The following CHST15 variants were observed in gnomAD, a reference collection of about 807,000 sequenced individuals.
The protein encoded by CHST15 is B cell RAG associated protein (GALNAC4S-6ST).
Under a neutral mutation model 53.6 loss-of-function variants are expected in CHST15, and 30 were observed. The ratio of observed to expected loss-of-function variants is 0.56; its 90% CI spans 0.42 to 0.76. The LOEUF (loss-of-function observed/expected upper bound fraction) is 0.76. CHST15 is among the 30% of genes least tolerant of loss of function. The pLI, the probability that CHST15 is intolerant of heterozygous loss-of-function variation, is 0.00. For missense variants in CHST15, 627 were observed against 740.5 expected (o/e 0.85, Z 1.78); for synonymous variants, 296 against 289.8 (o/e 1.02, Z -0.22).
At position 124,036,322 on chromosome 10, in the gene CHST15, G is replaced by A. The variant is rs1367074845; in HGVS notation, c.1190+2193C>T. ...CACGGGAACCAGCAGGTGGGACATG[G>A]CAAGGGACGGCAAGTCAGTGCCTGC... is the stretch of plus-strand genomic sequence containing the variant. On this transcript the variant is annotated intron_variant, in intron 5 of 7. Coordinates refer to ENST00000435907, the MANE Select transcript of CHST15 (RefSeq NM_001270764.2). The surrounding 1 kb of genome is among the most constrained non-coding windows in gnomAD (Gnocchi z 5.1). Among the ~76,000 whole-genome samples, 1 of 152,222 alleles carries A rather than the reference G, an allele frequency of 6.6e-6. No individual in the cohort carries two copies. Among genetic ancestry groups the A allele is most frequent in the Admixed American group, 6.5e-5 (1 of 15,284 alleles).
chr10:124,026,831 C>T (rs1162529868), intron 5 of CHST15, among the ~76,000 whole-genome samples: 2 of 152,150 alleles, frequency 1.3e-5, no homozygotes, highest in African/African-American at 4.8e-5. Context: ...GACTGACCAG[C>T]GGGCAGAAGG....
chr10:124,035,127 G>C (rs1176151286), intron 5 of CHST15, among the ~76,000 whole-genome samples: 1 of 137,726 alleles, frequency 7.3e-6, no homozygotes, highest in Admixed American at 7.0e-5. Flanking sequence ...CCCCCTAACA[G>C]GGACCCCGGC....
At chr10:124,089,265 G>A (rs1949530869) in intron 1 of CHST15, among the ~76,000 whole-genome samples, 1 of 152,198 alleles carries the variant, frequency 6.6e-6, no homozygotes, top group South Asian at 2.1e-4. Flanking sequence ...TGATTGCTCA[G>A]ATCAATGACA....
At chr10:124,090,514 G>C (rs1310321592) in intron 1 of CHST15, among the ~76,000 whole-genome samples, 1 of 152,242 alleles carries the variant, frequency 6.6e-6, no homozygotes, top group Non-Finnish European at 1.5e-5. Context: ...TTTCTTGTCT[G>C]CTGTTTCTCA....
chr10:124,032,185 A>G (rs1488214079), intron 5 of CHST15, among the ~76,000 whole-genome samples: 4 of 152,248 alleles, frequency 2.6e-5, no homozygotes, highest in African/African-American at 9.6e-5. Flanking sequence ...GCAGATGAAG[A>G]AAAGAACTAG....
chr10:124,066,412 T>C (rs747973159), intron 1 of CHST15, among the ~76,000 whole-genome samples: 3 of 152,052 alleles, frequency 2.0e-5, no homozygotes, highest in East Asian at 1.9e-4. Context: ...TCTGCATCTA[T>C]TTCTGGGACT....
chr10:124,036,839 C>A lies in CHST15; in HGVS notation c.1190+1676G>T, dbSNP rs571325368. 6.6e-6 allele frequency among the ~76,000 whole-genome samples: 1 copy of A among 152,264 alleles called. No individual in the cohort carries two copies. The highest frequency in any genetic ancestry group is 2.1e-4 in the South Asian group (1 of 4,822). On this transcript the variant is annotated intron_variant, in intron 5 of 7. Coordinates refer to ENST00000435907, the MANE Select transcript of CHST15 (RefSeq NM_001270764.2). This position sits in a 1 kb window ranked among gnomAD's most constrained non-coding sequence, Gnocchi z 5.1. ...TGTTATAATTGGCAAATACGTGGGG[C>A]CAGGAAGGTATGCCACCTGAAGAAG... is the stretch of plus-strand genomic sequence containing the variant.
chr10:124,072,899 C>A (rs1948963974), intron 1 of CHST15, among the ~76,000 whole-genome samples: 1 of 152,188 alleles, frequency 6.6e-6, no homozygotes, highest in Non-Finnish European at 1.5e-5. Context: ...CAGCTGTTAT[C>A]CCCCAGGGTC....
At chr10:124,058,623 C>G (rs1274313756) in intron 1 of CHST15, among the ~76,000 whole-genome samples, 3 of 152,244 alleles carry the variant, frequency 2.0e-5, no homozygotes, top group South Asian at 2.1e-4. Flanking sequence ...TCAGCCATCA[C>G]TCAGCCCACC....
chr10:124,046,300 C>G lies in CHST15; in HGVS notation c.-88G>C. ...GATGTCCGCAAGTCGTGCTAGAAAA[C>G]CTTAAGAATGCCTTGTGATCACAGA... On this transcript the variant is annotated 5_prime_UTR_variant, in exon 2 of 8. Transcript: ENST00000435907. 1 of 1,272,256 alleles carries G rather than the reference C, an allele frequency of 7.9e-7. No individual in the cohort carries two copies. The highest frequency in any genetic ancestry group is 1.5e-5 in the South Asian group (1 of 68,088). 78.8% of individuals were successfully genotyped at this position (1,272,256 alleles called of 1,614,324 possible).
chr10:124,054,933 C>T (rs1169310886), intron 1 of CHST15, among the ~76,000 whole-genome samples: 1 of 152,178 alleles, frequency 6.6e-6, no homozygotes, highest in African/African-American at 2.4e-5. Flanking sequence ...CTGTCTCTTC[C>T]TGCATACTCC....
At chr10:124,045,140 A>AAAAT (rs1947945160) in intron 2 of CHST15, among the ~76,000 whole-genome samples, 3 of 149,130 alleles carry the variant, frequency 2.0e-5, no homozygotes, top group Non-Finnish European at 4.5e-5. Context: ...AAAAAAAAAA[A>AAAAT]AAAACTTGGA....
rs113259623 is a variant in CHST15, at chr10:124,036,270, C to T, written c.1190+2245G>A. 1.7e-4 allele frequency among the ~76,000 whole-genome samples: 26 copies of T among 152,302 alleles called. No homozygotes were observed. Among genetic ancestry groups the T allele is most frequent in the African/African-American group, 5.8e-4 (24 of 41,566 alleles). On this transcript the variant is annotated intron_variant, in intron 5 of 7. Transcript: ENST00000435907. This position sits in a 1 kb window ranked among gnomAD's most constrained non-coding sequence, Gnocchi z 5.1. ...CCCTGCTGGATGGAGGGAGACCACT[C>T]AGCAGGGCCGATTTCTGCCTCCAAA... is the stretch of plus-strand genomic sequence containing the variant.
chr10:124,089,148 T>C (rs1949528006), intron 1 of CHST15, among the ~76,000 whole-genome samples: 1 of 152,174 alleles, frequency 6.6e-6, no homozygotes, highest in Non-Finnish European at 1.5e-5. Flanking sequence ...CTTAATCTCA[T>C]ACCTGAGCAT....
intron 1 of CHST15, among the ~76,000 whole-genome samples, chr10:124,086,830 C>A (rs1402521115): frequency 6.6e-6 from 1 of 152,166 alleles, no homozygotes; most frequent in Non-Finnish European, 1.5e-5. Flanking sequence ...GATGGGGAAA[C>A]CGAGATGCAA....
Position 124,087,737 on chromosome 10 carries a change from G to C in CHST15, c.-513+5732C>G, listed in dbSNP as rs574522176. On this transcript the variant is annotated intron_variant, in intron 1 of 7. Coordinates refer to ENST00000435907, the MANE Select transcript of CHST15 (RefSeq NM_001270764.2). ...CCCCCGCCCTCCAGGCCCCCTCTGG[G>C]CTCTTTTAAGCTGAGAGTGGGGTGA... is the stretch of plus-strand genomic sequence containing the variant. Among the ~76,000 whole-genome samples, 9 of 141,896 alleles carry C rather than the reference G, an allele frequency of 6.3e-5. No individual in the cohort carries two copies. The South Asian group carries it at 2.4e-3, about 37-fold the overall frequency. 93.1% of individuals were successfully genotyped at this position (141,896 alleles called of 152,430 possible). A position where few individuals can be genotyped will look rare whatever the true frequency, so the allele number is the denominator to read the frequency against.
intron 1 of CHST15, among the ~76,000 whole-genome samples, chr10:124,047,800 A>C (rs1198647956): frequency 6.6e-6 from 1 of 152,252 alleles, no homozygotes; most frequent in African/African-American, 2.4e-5. Flanking sequence ...AACTATTATG[A>C]TGATGATTTT....
chr10:124,075,424 C>T (rs541293453), intron 1 of CHST15, among the ~76,000 whole-genome samples: 158 of 152,286 alleles, frequency 1.0e-3, no homozygotes, highest in Non-Finnish European at 1.6e-3. Context: ...TCAGGCCCAT[C>T]GACTTGTGAC....
intron 1 of CHST15, among the ~76,000 whole-genome samples, chr10:124,070,326 A>G (rs1948874796): frequency 6.6e-6 from 1 of 152,212 alleles, no homozygotes; most frequent in African/African-American, 2.4e-5. Context: ...ATATTTGACC[A>G]TCAGATTTAA....
Sources: allele counts gnomAD v4.1 joint callset (sites outside exome capture counted in the v4.1 genomes callset), GRCh38; gene constraint gnomAD v4.1.1; non-coding constraint Gnocchi (gnomAD v3.1); transcripts MANE v1.5; gene names NCBI Gene and HGNC (gene_info 2026-07-23, HGNC 2026-07-21).